The following HRNR variants were observed in gnomAD, a reference collection of about 807,000 sequenced individuals.
The protein encoded by HRNR is hornerin, also known as filaggrin family member 3.
Under a neutral mutation model 4.8 loss-of-function variants are expected in HRNR, and 7 were observed. That is an observed-to-expected ratio of 1.47 (90% confidence interval 0.83 to 2.75). The LOEUF is 2.75. HRNR is among the 30% of genes most tolerant of loss of function. The pLI, the probability that HRNR is intolerant of heterozygous loss-of-function variation, is 0.00. For missense variants in HRNR, 2,879 were observed against 3,010.4 expected (o/e 0.96, Z 1.02); for synonymous variants, 1,023 against 1,242.7 (o/e 0.82, Z 3.72).
chr1:152,218,380 T>A lies in HRNR; in HGVS notation c.3249A>T (p.Ser1083=), dbSNP rs1038839620. 6.2e-7 allele frequency: 1 copy of A among 1,612,226 alleles called. No homozygotes were observed. Among genetic ancestry groups the A allele is most frequent in the Non-Finnish European group, 8.5e-7 (1 of 1,179,904 alleles). ...GTTGGCCACAGCTCGATGACTGTCC[T>A]GATGTAGAACCGTGTTGCCCATGGG... ...SSTHGQHGST[S]GQSSSCGQHG... is the part of the protein sequence containing the mutation. Residue 1083 remains serine (S), a synonymous_variant, in exon 3 of 3, where the codon TCA becomes TCT. Transcript: ENST00000368801.
intron 1 of HRNR, among the ~76,000 whole-genome samples, chr1:152,223,585 A>G (rs924098791): frequency 3.9e-5 from 6 of 152,218 alleles, no homozygotes; most frequent in Non-Finnish European, 7.3e-5. Context: ...CTGGAGCTGT[A>G]GAAGTCCTGA....
chr1:152,222,823 T>C (rs902495219), intron 2 of HRNR, among the ~76,000 whole-genome samples: 4 of 152,208 alleles, frequency 2.6e-5, no homozygotes, highest in African/African-American at 9.7e-5. Context: ...AACTCAGAAA[T>C]CTACTTCACA....
chr1:152,218,464 A>C lies in HRNR; in HGVS notation c.3165T>G (p.Ser1055=), dbSNP rs757556783. The C allele has an allele frequency of 1.2e-6, 2 of 1,613,694 alleles. No individual in the cohort carries two copies. Among genetic ancestry groups the C allele is most frequent in the Non-Finnish European group, 1.7e-6 (2 of 1,180,020 alleles). ...CGTAGCCAGAGGACTGTCCTGAGCG[A>C]GACTCTCGGTGACCTAAGCCAGAAG... ...GHSSGLGHRE[S]RSGQSSGYGQ... The change falls in exon 3 of 3, where the codon TCT becomes TCG. Residue 1055 remains serine (S), a synonymous_variant. Transcript: ENST00000368801.
At position 152,219,972 on chromosome 1, in the gene HRNR, T is replaced by C. The variant is rs750130006; in HGVS notation, c.1657A>G (p.Arg553Gly). 81 of 1,610,630 alleles carry C rather than the reference T, an allele frequency of 5.0e-5. No homozygotes were observed. Among genetic ancestry groups the C allele is most frequent in the Non-Finnish European group, 5.8e-5 (68 of 1,179,096 alleles). ...TGTGGGCCATAGCTGGAAGACTGCC[T>C]GGAACCAGACTCATGTCGGCCACGG... ...PSRGRHESGS[R>G]QSSSYGPHGY... Residue 553 changes from arginine (R) to glycine (G), a missense_variant, in exon 3 of 3, where the codon AGG becomes GGG. Arg to Gly is a moderately radical substitution (Grantham distance 125, BLOSUM62 -2). Transcript: ENST00000368801.
rs1452694055 is a variant in HRNR, at chr1:152,219,586, G to A, written c.2043C>T (p.Gly681=). The change falls in exon 3 of 3, where the codon GGC becomes GGT. Residue 681 remains glycine (G), a synonymous_variant. Transcript: ENST00000368801. The part of the protein sequence containing the change: ...HSSSYGQHGS[G]SGWSSSNGPH... ...GGCCATTGCTTGAAGACCAACCGGA[G>A]CCAGACCCATGTTGGCCGTAGCTGG... 2 of 1,612,594 alleles carry A rather than the reference G, an allele frequency of 1.2e-6. No individual in the cohort carries two copies. Among genetic ancestry groups the A allele is most frequent in the African/African-American group, 1.3e-5 (1 of 74,718 alleles).
rs369198112 is a variant in HRNR, at chr1:152,219,321, A to C, written c.2308T>G (p.Ser770Ala). 6.2e-7 allele frequency: 1 copy of C among 1,612,102 alleles called. No individual in the cohort carries two copies. The highest frequency in any genetic ancestry group is 1.3e-5 in the African/African-American group (1 of 74,082). ...CGGCTAGGAGAGTGGCCAGATCCAG[A>C]CCCTTGTCGGCCGTGGCCCGAAGAT... ...HQSSGHGRQG[S>A]GSGHSPSRVR... Residue 770 changes from serine (S) to alanine (A), a missense_variant, in exon 3 of 3, where the codon TCT becomes GCT. Transcript: ENST00000368801.
At position 152,218,784 on chromosome 1, in the gene HRNR, A is replaced by T. The variant is rs777094892; in HGVS notation, c.2845T>A (p.Ser949Thr). 16 of 1,613,484 alleles carry T rather than the reference A, an allele frequency of 9.9e-6. No homozygotes were observed. Among genetic ancestry groups the T allele is most frequent in the Admixed American group, 1.7e-5 (1 of 59,970 alleles). Residue 949 changes from serine to threonine, a missense_variant, in exon 3 of 3, where the codon TCT becomes ACT. By Grantham distance (58) the Ser-to-Thr change is moderately conservative (BLOSUM62 1). Around this residue, in one of 8 missense-constraint regions of HRNR, gnomAD observed 2,646 missense variants for 1,377.7 expected, o/e 1.92. Coordinates refer to ENST00000368801, the MANE Select transcript of HRNR (RefSeq NM_001009931.3). ...GQSSGYTQHGSGSGHSSSYEQ... is the reference protein window; with the variant it reads ...GQSSGYTQHGTGSGHSSSYEQ... The stretch of plus-strand genomic sequence containing the variant: ...TAGCTGGAGGAGTGACCTGAGCCAG[A>T]TCCATGCTGAGTGTAACCAGAGGAC...
chr1:152,213,166 C>T lies in HRNR; in HGVS notation c.8463G>A (p.Gly2821=). ...TGAGAAAATATGAGCCAGAACTTCC[C>T]CCATCATGGTTACTTCCTCCTTTGC... The part of the protein sequence containing the change: ...SYCKGGSNHD[G]GSSGSYFLSF... The change falls in exon 3 of 3, where the codon GGG becomes GGA. Residue 2821 remains glycine (G), a synonymous_variant. Transcript: ENST00000368801. 6.2e-7 allele frequency: 1 copy of T among 1,614,050 alleles called. No homozygotes were observed. Among genetic ancestry groups the T allele is most frequent in the Non-Finnish European group, 8.5e-7 (1 of 1,180,040 alleles).
In HRNR at chr1:152,218,495, C is replaced by G. The variant is rs1213264563; in HGVS notation, c.3134G>C (p.Gly1045Ala). ...SSRGPYESGS[G>A]HSSGLGHRES... is the part of the protein sequence containing the mutation. ...TCGGTGACCTAAGCCAGAAGAGTGACCGGAGCCAGACTCATATGGGCCACG... is the reference window on the plus strand; with the variant it reads ...TCGGTGACCTAAGCCAGAAGAGTGAGCGGAGCCAGACTCATATGGGCCACG... Residue 1045 changes from glycine to alanine, a missense_variant, in exon 3 of 3, where the codon GGT becomes GCT. Gly to Ala is a moderately conservative substitution (Grantham distance 60, BLOSUM62 0). Transcript: ENST00000368801. 10 of 1,613,600 alleles carry G rather than the reference C, an allele frequency of 6.2e-6. No individual in the cohort carries two copies. Among genetic ancestry groups the G allele is most frequent in the Non-Finnish European group, 8.5e-6 (10 of 1,179,976 alleles).
At position 152,220,354 on chromosome 1, in the gene HRNR, G is replaced by T; in HGVS notation, c.1275C>A (p.Gly425=). The T allele has an allele frequency of 6.2e-7, 1 of 1,613,672 alleles. No individual in the cohort carries two copies. The highest frequency in any genetic ancestry group is 1.1e-5 in the South Asian group (1 of 91,070). Reference sequence around the variant, plus strand: ...CTGACCCAGACCCACGCTGGCCGTGGCCTGGAGACTGGCCAGATCCAGAGC... The same window carrying T: ...CTGACCCAGACCCACGCTGGCCGTGTCCTGGAGACTGGCCAGATCCAGAGC... ...QHSSGSGQSP[G]HGQRGSGSGQ... The change falls in exon 3 of 3, where the codon GGC becomes GGA. Residue 425 remains glycine (G), a synonymous_variant. Coordinates refer to ENST00000368801, the MANE Select transcript of HRNR (RefSeq NM_001009931.3).
Position 152,220,968 on chromosome 1 carries a change from G to A in HRNR, c.661C>T (p.His221Tyr), listed in dbSNP as rs768121998. The change falls in exon 3 of 3, where the codon CAT becomes TAT. Residue 221 changes from histidine to tyrosine, a missense_variant. Around this residue, in one of 8 missense-constraint regions of HRNR, gnomAD observed 2,646 missense variants for 1,377.7 expected, o/e 1.92. Coordinates refer to ENST00000368801, the MANE Select transcript of HRNR (RefSeq NM_001009931.3). ...GAAGACTGGCCTGAGCCAGACCCATGTGTGTCATTGCTGGAAGACTGTCCG... is the reference window on the plus strand; with the variant it reads ...GAAGACTGGCCTGAGCCAGACCCATATGTGTCATTGCTGGAAGACTGTCCG... Reference protein sequence around the residue: ...GSGQSSSNDTHGSGSGQSSGF... With the variant: ...GSGQSSSNDTYGSGSGQSSGF... The A allele has an allele frequency of 1.9e-6, 3 of 1,614,064 alleles. No homozygotes were observed. The highest frequency in any genetic ancestry group is 2.2e-5 in the East Asian group (1 of 44,878).
rs755052507 is a variant in HRNR, at chr1:152,220,930, T to G, written c.699A>C (p.Gln233His). ...SGSGQSSGFS[Q>H]HKSSSGQSSG... is the part of the protein sequence containing the mutation. ...AGGACTGCCCTGAGCTAGACTTGTG[T>G]TGACTAAAGCCAGAAGACTGGCCTG... Residue 233 changes from glutamine (Q) to histidine (H), a missense_variant, in exon 3 of 3, where the codon CAA (glutamine) becomes CAC (histidine). Around this residue, in one of 8 missense-constraint regions of HRNR, gnomAD observed 2,646 missense variants for 1,377.7 expected, o/e 1.92. Coordinates refer to ENST00000368801, the MANE Select transcript of HRNR (RefSeq NM_001009931.3). 61 of 1,612,202 alleles carry G rather than the reference T, an allele frequency of 3.8e-5. No homozygotes were observed. The highest frequency in any genetic ancestry group is 8.9e-5 in the East Asian group (4 of 44,874).
At position 152,218,937 on chromosome 1, in the gene HRNR, A is replaced by G; in HGVS notation, c.2692T>C (p.Ser898Pro). The change falls in exon 3 of 3, where the codon TCT becomes CCT. Residue 898 changes from serine to proline, a missense_variant. By Grantham distance (74) the Ser-to-Pro change is moderately conservative. Transcript: ENST00000368801. ...TAGCTGGGAGACTGCCCTGACCCAG[A>G]CCCACGCTGGCCGTGGCCTGGAGAC... ...GQSPGHGQRG[S>P]GSGQSPSYGR... The G allele has an allele frequency of 6.2e-7, 1 of 1,613,506 alleles. No homozygotes were observed. Among genetic ancestry groups the G allele is most frequent in the Non-Finnish European group, 8.5e-7 (1 of 1,179,884 alleles).
rs551924533 is a variant in HRNR at position 152,219,455 on chromosome 1, C to T, written c.2174G>A (p.Gly725Asp). 15 of 1,613,922 alleles carry T rather than the reference C, an allele frequency of 9.3e-6. No homozygotes were observed. The highest frequency in any genetic ancestry group is 8.0e-5 in the African/African-American group (6 of 74,924). ...QHGSGSSHSS[G>D]YRKHGSRSGQ... ...TGACCTAGAGCCGTGTTTTCTGTAG[C>T]CGGAGGAGTGACTTGAGCCAGATCC... is the stretch of plus-strand genomic sequence containing the variant. The change falls in exon 3 of 3, where the codon GGC (glycine) becomes GAC (aspartate). Residue 725 changes from glycine (G) to aspartate (D), a missense_variant. Around this residue, in one of 8 missense-constraint regions of HRNR, gnomAD observed 2,646 missense variants for 1,377.7 expected, o/e 1.92. Transcript: ENST00000368801.
At position 152,219,033 on chromosome 1, in the gene HRNR, T is replaced by A. The variant is rs1648802879; in HGVS notation, c.2596A>T (p.Ser866Cys). The change falls in exon 3 of 3, where the codon AGC becomes TGC. Residue 866 changes from serine to cysteine, a missense_variant. Transcript: ENST00000368801. Reference sequence around the variant, plus strand: ...GAGGCAGACTCATGCTGACCATAGCTGGAAGATTGACCTGAGCTAGAGTCA... The same window carrying A: ...GAGGCAGACTCATGCTGACCATAGCAGGAAGATTGACCTGAGCTAGAGTCA... ...QHDSSSGQSS[S>C]YGQHESASHH... 6.2e-7 allele frequency: 1 copy of A among 1,613,730 alleles called. No homozygotes were observed. The highest frequency in any genetic ancestry group is 8.5e-7 in the Non-Finnish European group (1 of 1,179,964).
intron 2 of HRNR, among the ~76,000 whole-genome samples, chr1:152,222,542 T>A (rs958078956): frequency 2.6e-5 from 4 of 151,966 alleles, no homozygotes; most frequent in Non-Finnish European, 5.9e-5. Context: ...AGAGAGACAA[T>A]AAAAAATGAC....
In HRNR at chr1:152,220,391, C is replaced by G. The variant is rs140273713; in HGVS notation, c.1238G>C (p.Arg413Pro). Residue 413 changes from arginine to proline, a missense_variant, in exon 3 of 3, where the codon CGC becomes CCC. By Grantham distance (103) the Arg-to-Pro change is moderately radical (BLOSUM62 -2). Coordinates refer to ENST00000368801, the MANE Select transcript of HRNR (RefSeq NM_001009931.3). Reference protein sequence around the residue: ...HESASRHSSGRGQHSSGSGQS... With the variant: ...HESASRHSSGPGQHSSGSGQS... Reference sequence around the variant, plus strand: ...GCCAGATCCAGAGCTGTGTTGGCCGCGGCCTGAAGAGTGACGGGAGGCAGA... The same window carrying G: ...GCCAGATCCAGAGCTGTGTTGGCCGGGGCCTGAAGAGTGACGGGAGGCAGA... 4.8e-5 allele frequency: 78 copies of G among 1,613,268 alleles called. No homozygotes were observed. Among genetic ancestry groups the G allele is most frequent in the Non-Finnish European group, 5.9e-5 (70 of 1,179,794 alleles).
rs577087738 is a variant in HRNR, at chr1:152,213,029, C to T, written c.*47G>A. On this transcript the variant is annotated 3_prime_UTR_variant, in exon 3 of 3. Coordinates refer to ENST00000368801, the MANE Select transcript of HRNR (RefSeq NM_001009931.3). The stretch of plus-strand genomic sequence containing the variant: ...CATGATGAATTCATAGATGACTTTC[C>T]TATTTCTTAAATTGCTACTTGAGTA... 8.3e-6 allele frequency: 13 copies of T among 1,569,690 alleles called. No individual in the cohort carries two copies. In the East Asian group the frequency reaches 9.0e-5, roughly 11 times the overall value.
Position 152,219,344 on chromosome 1 carries a change from G to C in HRNR, c.2285C>G (p.Ser762Cys), listed in dbSNP as rs977949967. 2 of 1,613,814 alleles carry C rather than the reference G, an allele frequency of 1.2e-6. No individual in the cohort carries two copies. The highest frequency in any genetic ancestry group is 8.5e-7 in the Non-Finnish European group (1 of 1,180,016). The change falls in exon 3 of 3, where the codon TCT becomes TGT. Residue 762 changes from serine to cysteine, a missense_variant. Ser to Cys is a moderately radical substitution (Grantham distance 112). Around this residue, in one of 8 missense-constraint regions of HRNR, gnomAD observed 2,646 missense variants for 1,377.7 expected, o/e 1.92. Coordinates refer to ENST00000368801, the MANE Select transcript of HRNR (RefSeq NM_001009931.3). The stretch of plus-strand genomic sequence containing the variant: ...AGACCCTTGTCGGCCGTGGCCCGAA[G>C]ATTGATGGGAGCCCGACCCATGCTG... ...YGQHGSGSHQ[S>C]SGHGRQGSGS...
Sources: gnomAD v4.1 joint callset for allele counts (sites outside exome capture counted in the v4.1 genomes callset) on GRCh38, gnomAD v4.1.1 for gene constraint, gnomAD v4.1.1 regional missense constraint, MANE v1.5 for transcripts, NCBI Gene and HGNC (gene_info 2026-07-23, HGNC 2026-07-21) for gene names.